SHROOM3: variants seen among roughly 807,000 people sequenced by gnomAD.
SHROOM3 encodes protein Shroom3.
SHROOM3 carries 47 observed loss-of-function variants against 138.6 expected under a neutral mutation model. That is an observed-to-expected ratio of 0.34 (90% CI 0.27 to 0.43). The LOEUF is 0.43. SHROOM3 is among the 20% of genes least tolerant of loss of function. The pLI is 1.00. For missense variants in SHROOM3, 2,491 were observed against 2,596.5 expected, an observed-to-expected ratio of 0.96 and a Z score of 0.88; for synonymous variants, 1,062 against 1,063.3, an observed-to-expected ratio of 1.00 and a Z score of 0.02.
intron 2 of SHROOM3, among the ~76,000 whole-genome samples, chr4:76,564,951 G>C (rs1027558683): frequency 3.3e-5 from 5 of 151,954 alleles, no homozygotes; most frequent in African/African-American, 1.2e-4. Context: ...TATGAGGTCA[G>C]GAGTTCGAGA....
intron 1 of SHROOM3, among the ~76,000 whole-genome samples, chr4:76,546,650 G>A (rs1015976768): frequency 1.3e-5 from 2 of 152,154 alleles, no homozygotes; most frequent in Non-Finnish European, 2.9e-5. Flanking sequence ...GATTCTTGAC[G>A]TCTTTTGTTA....
intron 3 of SHROOM3, among the ~76,000 whole-genome samples, chr4:76,711,825 T>C (rs185804365): frequency 1.6e-4 from 23 of 146,698 alleles, no homozygotes; most frequent in Admixed American, 1.4e-3. Flanking sequence ...AGGTTCTTTG[T>C]TAGATTTCAT....
intron 7 of SHROOM3, among the ~76,000 whole-genome samples, chr4:76,755,712 A>G (rs1356853736): frequency 3.4e-5 from 5 of 148,484 alleles, no homozygotes; most frequent in Admixed American, 3.3e-4. Context: ...CCTCAGTCTC[A>G]AAAGAGAAGA....
rs1441598569 is a variant in SHROOM3 at position 76,664,008 on chromosome 4, A to G, written c.324-46148A>G. On this transcript the variant is annotated intron_variant, in intron 2 of 10. Coordinates refer to ENST00000296043, the MANE Select transcript of SHROOM3 (RefSeq NM_020859.4). This position sits in a 1 kb window ranked among gnomAD's most constrained non-coding sequence, Gnocchi z 4.2. Reference sequence around the variant, plus strand: ...ATTCAAACAATTTCTTATCTGGCCTATATATACCAAGTATGTTTGGCTCTC... The same window carrying G: ...ATTCAAACAATTTCTTATCTGGCCTGTATATACCAAGTATGTTTGGCTCTC... Among the ~76,000 whole-genome samples the G allele has an allele frequency of 6.6e-6, 1 of 152,192 alleles. No individual in the cohort carries two copies. Among genetic ancestry groups the G allele is most frequent in the Non-Finnish European group, 1.5e-5 (1 of 68,038 alleles).
chr4:76,730,764 CTT>C, intron 3 of SHROOM3, 38 bp from the exon 4 acceptor site: 2 of 1,613,236 alleles, frequency 1.2e-6, no homozygotes, highest in South Asian at 2.2e-5. Context: ...TCAGCTGAGA[CTT>C]TGGCTAATGT....
At chr4:76,715,786 T>C (rs921027118) in intron 3 of SHROOM3, among the ~76,000 whole-genome samples, 1 of 152,230 alleles carries the variant, frequency 6.6e-6, no homozygotes, top group Non-Finnish European at 1.5e-5. Flanking sequence ...CAGTGAGTTC[T>C]GTCCCTGTGC....
intron 2 of SHROOM3, among the ~76,000 whole-genome samples, chr4:76,674,357 T>C (rs2110099597): frequency 6.6e-6 from 1 of 152,198 alleles, no homozygotes; most frequent in Middle Eastern, 3.4e-3. Context: ...CTCCTACACA[T>C]TTTCAGGTAG....
intron 1 of SHROOM3, among the ~76,000 whole-genome samples, chr4:76,470,666 CT>C (rs1731350745): frequency 1.3e-5 from 2 of 152,142 alleles, no homozygotes; most frequent in African/African-American, 4.8e-5. Context: ...TTGTCCCTAC[CT>C]TCAACTGCTA....
chr4:76,445,299 C>A lies in SHROOM3; in HGVS notation c.168+9079C>A, dbSNP rs547146916. ...CACTGAACAGATTATTCCCTGCCATCATAGAGCTTATATTCCAACAGAAGG... is the reference window on the plus strand; with the variant it reads ...CACTGAACAGATTATTCCCTGCCATAATAGAGCTTATATTCCAACAGAAGG... On this transcript the variant is annotated intron_variant, in intron 1 of 10. Transcript: ENST00000296043. Among the ~76,000 whole-genome samples, 25 of 152,172 alleles carry A rather than the reference C, an allele frequency of 1.6e-4. No homozygotes were observed. In the East Asian group the frequency reaches 4.8e-3, roughly 29 times the overall value.
chr4:76,701,806 T>C (rs1394534009), intron 2 of SHROOM3, among the ~76,000 whole-genome samples: 6 of 152,168 alleles, frequency 3.9e-5, no homozygotes, highest in Admixed American at 2.0e-4. Context: ...CTTCACCAAC[T>C]AGTGTGGAGT....
intron 1 of SHROOM3, among the ~76,000 whole-genome samples, chr4:76,501,466 C>A (rs1317170422): frequency 6.6e-6 from 1 of 152,068 alleles, no homozygotes; most frequent in Non-Finnish European, 1.5e-5. Context: ...TACTCTGGTT[C>A]CTGACTTTTA....
At chr4:76,541,188 A>G (rs1579223356) in intron 1 of SHROOM3, among the ~76,000 whole-genome samples, 1 of 152,200 alleles carries the variant, frequency 6.6e-6, no homozygotes, top group Non-Finnish European at 1.5e-5. Flanking sequence ...TTATGTTTCC[A>G]TGAATAAATA....
chr4:76,620,920 C>G (rs781332751), intron 2 of SHROOM3, among the ~76,000 whole-genome samples: 7 of 148,296 alleles, frequency 4.7e-5, no homozygotes, highest in Non-Finnish European at 1.0e-4. Context: ...TGAAGGGGCA[C>G]TTTTCCCTGG....
At chr4:76,527,193 T>C (rs1053928401) in intron 1 of SHROOM3, among the ~76,000 whole-genome samples, 9 of 152,272 alleles carry the variant, frequency 5.9e-5, no homozygotes, top group Admixed American at 4.6e-4. Flanking sequence ...AAGATAAATA[T>C]GAAATATGGA....
intron 1 of SHROOM3, among the ~76,000 whole-genome samples, chr4:76,446,432 C>T (rs1171419275): frequency 1.4e-5 from 2 of 144,786 alleles, no homozygotes; most frequent in Non-Finnish European, 3.1e-5. Flanking sequence ...GTGGGGGATG[C>T]ACATCTACTT....
chr4:76,530,841 C>T (rs951639808), intron 1 of SHROOM3, among the ~76,000 whole-genome samples: 5 of 152,302 alleles, frequency 3.3e-5, no homozygotes, highest in South Asian at 2.1e-4. Context: ...GACCATCACA[C>T]ACGGGAGGCT....
At chr4:76,519,139 G>A (rs894983576) in intron 1 of SHROOM3, among the ~76,000 whole-genome samples, 2 of 152,182 alleles carry the variant, frequency 1.3e-5, no homozygotes, top group African/African-American at 2.4e-5. Flanking sequence ...ATGCCCACCT[G>A]GGTGGCCAGT....
At chr4:76,461,680 C>T in intron 1 of SHROOM3, among the ~76,000 whole-genome samples, 1 of 152,108 alleles carries the variant, frequency 6.6e-6, no homozygotes, top group East Asian at 1.9e-4. Context: ...CTGTTGTCCT[C>T]ATTAGGTGAA....
chr4:76,469,235 T>C (rs1030387852), intron 1 of SHROOM3, among the ~76,000 whole-genome samples: 1 of 152,104 alleles, frequency 6.6e-6, no homozygotes, highest in Non-Finnish European at 1.5e-5. Context: ...CATTTCAATT[T>C]TTAAAATTAA....
Sources: allele counts gnomAD v4.1 joint callset (sites outside exome capture counted in the v4.1 genomes callset), GRCh38; gene constraint gnomAD v4.1.1; non-coding constraint Gnocchi (gnomAD v3.1); transcripts MANE v1.5; gene names NCBI Gene and HGNC (gene_info 2026-07-23, HGNC 2026-07-21).